Variants in ZMAT4 observed in about 807,000 individuals in gnomAD.
ZMAT4 encodes zinc finger matrin-type protein 4.
ZMAT4 carries 17 observed loss-of-function variants against 28.7 expected under a neutral mutation model. The ratio of observed to expected loss-of-function variants is 0.59; its 90% confidence interval spans 0.41 to 0.89. The LOEUF (loss-of-function observed/expected upper bound fraction) is 0.89. ZMAT4 is among the 40% of genes least tolerant of loss of function. The pLI, the probability that ZMAT4 is intolerant of heterozygous loss-of-function variation, is 0.00. For missense variants in ZMAT4, 240 were observed against 283.8 expected (o/e 0.85, Z 1.11); for synonymous variants, 117 against 109.2 (o/e 1.07, Z -0.44).
chr8:40,781,063 A>G (rs1813806132), intron 2 of ZMAT4, among the ~76,000 whole-genome samples: 1 of 152,152 alleles, frequency 6.6e-6, no homozygotes, highest in Non-Finnish European at 1.5e-5. Flanking sequence ...GGGGTGAGGG[A>G]GGTGAGGGAA....
intron 2 of ZMAT4, among the ~76,000 whole-genome samples, chr8:40,780,706 C>T (rs1178474176): frequency 6.6e-6 from 1 of 152,072 alleles, no homozygotes; most frequent in Admixed American, 6.6e-5. Context: ...GGAATATATA[C>T]CATGGCCAAG....
chr8:40,721,182 T>C (rs1811075771), intron 3 of ZMAT4, among the ~76,000 whole-genome samples: 1 of 142,464 alleles, frequency 7.0e-6, no homozygotes, highest in African/African-American at 2.6e-5. Flanking sequence ...CCTGTGTCCA[T>C]GTGATCTCAT....
At chr8:40,872,409 T>G (rs1419225027) in intron 1 of ZMAT4, among the ~76,000 whole-genome samples, 2 of 152,056 alleles carry the variant, frequency 1.3e-5, no homozygotes, top group African/African-American at 4.8e-5. Flanking sequence ...TGACTCCCCC[T>G]CCCTGTAGGC....
intron 1 of ZMAT4, among the ~76,000 whole-genome samples, chr8:40,835,000 A>T (rs1816425002): frequency 6.6e-6 from 1 of 152,246 alleles, no homozygotes; most frequent in Non-Finnish European, 1.5e-5. Context: ...TCCGGGCAGC[A>T]TGATGGAGCG....
At chr8:40,881,630 A>AATAATATC (rs1473628872) in intron 1 of ZMAT4, among the ~76,000 whole-genome samples, 3 of 152,122 alleles carry the variant, frequency 2.0e-5, no homozygotes, top group Non-Finnish European at 2.9e-5. Flanking sequence ...AGAAAGAAAG[A>AATAATATC]ATAATATCAG....
intron 1 of ZMAT4, among the ~76,000 whole-genome samples, chr8:40,826,914 C>T (rs758155960): frequency 6.6e-6 from 1 of 152,154 alleles, no homozygotes; most frequent in Admixed American, 6.5e-5. Context: ...AGCCCACAAA[C>T]TCCACTTGTT....
chr8:40,720,984 G>GT (rs745525715), intron 3 of ZMAT4, among the ~76,000 whole-genome samples: 17 of 142,014 alleles, frequency 1.2e-4, no homozygotes, highest in Non-Finnish European at 2.2e-4. Flanking sequence ...TTGTTTGTTT[G>GT]TTTTTTATTA....
chr8:40,795,352 A>C (rs1481281728), intron 2 of ZMAT4, among the ~76,000 whole-genome samples: 1 of 152,216 alleles, frequency 6.6e-6, no homozygotes, highest in African/African-American at 2.4e-5. Flanking sequence ...AGGTCTGTCC[A>C]TCAGGCAGCC....
At chr8:40,833,970 G>C (rs1041015262) in intron 1 of ZMAT4, among the ~76,000 whole-genome samples, 5 of 152,210 alleles carry the variant, frequency 3.3e-5, no homozygotes, top group African/African-American at 9.6e-5. Flanking sequence ...GAGGCAGAGG[G>C]AGAGAAAACT....
intron 1 of ZMAT4, among the ~76,000 whole-genome samples, chr8:40,840,113 C>T (rs926773693): frequency 5.9e-5 from 9 of 152,150 alleles, no homozygotes; most frequent in African/African-American, 2.2e-4. Context: ...GGCTGAGGTG[C>T]CCTTTCAAGG....
intron 4 of ZMAT4, among the ~76,000 whole-genome samples, chr8:40,680,226 CT>C (rs1674406099): frequency 6.6e-6 from 1 of 152,096 alleles, no homozygotes; most frequent in African/African-American, 2.4e-5. Context: ...AACAGGAAAC[CT>C]TTTACTCTGA....
intron 5 of ZMAT4, among the ~76,000 whole-genome samples, chr8:40,666,412 C>G (rs1808415323): frequency 6.6e-6 from 1 of 151,998 alleles, no homozygotes; most frequent in African/African-American, 2.4e-5. Flanking sequence ...CTAGGCCAAC[C>G]TCATTTATAA....
At chr8:40,606,725 C>T (rs1805593317) in intron 5 of ZMAT4, among the ~76,000 whole-genome samples, 1 of 152,168 alleles carries the variant, frequency 6.6e-6, no homozygotes, top group African/African-American at 2.4e-5. Context: ...ATGTCTAGAC[C>T]TCCAGCAAGG....
chr8:40,692,798 C>G (rs1290714927), intron 4 of ZMAT4, among the ~76,000 whole-genome samples: 1 of 152,068 alleles, frequency 6.6e-6, no homozygotes, highest in Non-Finnish European at 1.5e-5. Flanking sequence ...TTCATATTTT[C>G]TCCAAAAGTA....
intron 1 of ZMAT4, among the ~76,000 whole-genome samples, chr8:40,844,521 T>C (rs1031565876): frequency 3.9e-5 from 6 of 152,180 alleles, no homozygotes; most frequent in Non-Finnish European, 8.8e-5. Flanking sequence ...TTCTCCAGCT[T>C]GCAAATGTCA....
intron 2 of ZMAT4, among the ~76,000 whole-genome samples, chr8:40,770,670 C>T (rs923991896): frequency 1.3e-5 from 2 of 151,976 alleles, no homozygotes; most frequent in African/African-American, 4.8e-5. Flanking sequence ...GCCTCAGCCT[C>T]CCCAGTAGCT....
At chr8:40,876,911 A>C (rs932290822) in intron 1 of ZMAT4, among the ~76,000 whole-genome samples, 2 of 152,176 alleles carry the variant, frequency 1.3e-5, no homozygotes, top group Non-Finnish European at 1.5e-5. Context: ...CAGAGGGAGA[A>C]GCATTACCTA....
intron 1 of ZMAT4, among the ~76,000 whole-genome samples, chr8:40,866,288 T>C (rs1817674476): frequency 6.6e-6 from 1 of 152,224 alleles, no homozygotes; most frequent in Non-Finnish European, 1.5e-5. Flanking sequence ...GCACAAGGGT[T>C]CTGCACACAA....
intron 2 of ZMAT4, among the ~76,000 whole-genome samples, chr8:40,781,533 C>T (rs1467845745): frequency 6.6e-6 from 1 of 151,556 alleles, no homozygotes; most frequent in Non-Finnish European, 1.5e-5. Flanking sequence ...GAGGCCGAGG[C>T]GGGCGGATCA....
Sources: gnomAD v4.1 joint callset for allele counts (sites outside exome capture counted in the v4.1 genomes callset) on GRCh38, gnomAD v4.1.1 for gene constraint, MANE v1.5 for transcripts, NCBI Gene and HGNC (gene_info 2026-07-23, HGNC 2026-07-21) for gene names.